HSD17B12: variants seen among roughly 807,000 people sequenced by gnomAD.
HSD17B12 encodes the protein very-long-chain 3-oxoacyl-CoA reductase.
In HSD17B12, 32 loss-of-function variants were observed where a neutral mutation model predicts 39.3. The observed-to-expected ratio is 0.81, with a 90% CI of 0.61 to 1.09. HSD17B12 has a LOEUF of 1.09. Ranked by LOEUF, HSD17B12 falls within the 50% of genes least tolerant of loss-of-function variation. The pLI, the probability that HSD17B12 is intolerant of heterozygous loss-of-function variation, is 0.00. For synonymous variants in HSD17B12, 150 were observed against 146.7 expected (o/e 1.02, Z -0.16); for missense variants, 342 against 382.9 (o/e 0.89, Z 0.89).
At chr11:43,561,265 C>T in the HSD17B12 span, among the ~76,000 whole-genome samples, 6 of 152,314 alleles carry the variant, frequency 3.9e-5, no homozygotes, top group Non-Finnish European at 8.8e-5. Context: ...TTGTTTGTCT[C>T]ACAACTGCTC....
chr11:43,682,018 G>C (rs1159425960), intron 1 of HSD17B12, among the ~76,000 whole-genome samples: 1 of 151,960 alleles, frequency 6.6e-6, no homozygotes, highest in Non-Finnish European at 1.5e-5. Flanking sequence ...TGAATTTTGG[G>C]GTGGTTAGGC....
At chr11:43,712,620 G>A (rs545096233) in intron 1 of HSD17B12, among the ~76,000 whole-genome samples, 32 of 152,132 alleles carry the variant, frequency 2.1e-4, no homozygotes, top group African/African-American at 6.5e-4. Flanking sequence ...TAAATCTTAC[G>A]TGTATTGATT....
At chr11:43,563,196 T>C in the HSD17B12 span, among the ~76,000 whole-genome samples, 1 of 152,192 alleles carries the variant, frequency 6.6e-6, no homozygotes, top group Non-Finnish European at 1.5e-5. Flanking sequence ...TGGCCCATTA[T>C]GGAAGGCCAT....
intron 1 of HSD17B12, among the ~76,000 whole-genome samples, chr11:43,687,972 G>A (rs779143402): frequency 2.2e-4 from 33 of 152,194 alleles, no homozygotes; most frequent in Non-Finnish European, 4.1e-4. Flanking sequence ...AACACTTTGG[G>A]AGGCTGAAGT....
the HSD17B12 span, among the ~76,000 whole-genome samples, chr11:43,642,811 A>G: frequency 9.9e-5 from 15 of 152,048 alleles, no homozygotes; most frequent in Middle Eastern, 3.4e-3. Flanking sequence ...CATTTGTCTT[A>G]ATTGTTTAGG....
the HSD17B12 span, among the ~76,000 whole-genome samples, chr11:43,628,105 T>C: frequency 7.2e-5 from 11 of 151,930 alleles, no homozygotes; most frequent in African/African-American, 2.4e-4. Context: ...CCCATTTTGC[T>C]GAAGAAATTT....
chr11:43,619,924 A>T, the HSD17B12 span, among the ~76,000 whole-genome samples: 2 of 152,226 alleles, frequency 1.3e-5, no homozygotes, highest in Non-Finnish European at 2.9e-5. Context: ...GTACTAGGAC[A>T]AGGCCCAGTT....
chr11:43,720,608 A>C (rs1950167660), intron 1 of HSD17B12, among the ~76,000 whole-genome samples: 1 of 152,232 alleles, frequency 6.6e-6, no homozygotes, highest in Admixed American at 6.5e-5. Context: ...AGTCAATCAA[A>C]GCAAGTCGCA....
chr11:43,626,898 C>A, the HSD17B12 span, among the ~76,000 whole-genome samples: 3 of 151,938 alleles, frequency 2.0e-5, no homozygotes, highest in Non-Finnish European at 4.4e-5. Context: ...AGTTTTAGAA[C>A]CTTCAAACTG....
the HSD17B12 span, among the ~76,000 whole-genome samples, chr11:43,572,945 C>T: frequency 6.6e-6 from 1 of 152,142 alleles, no homozygotes; most frequent in Non-Finnish European, 1.5e-5. Flanking sequence ...CAGTACATTA[C>T]CTACTGGCAT....
intron 3 of HSD17B12, among the ~76,000 whole-genome samples, chr11:43,764,923 C>G (rs1298187852): frequency 6.6e-6 from 1 of 152,108 alleles, no homozygotes; most frequent in African/African-American, 2.4e-5. Context: ...ATTGATTGAG[C>G]TAAAACCTAC....
chr11:43,558,060 A>G, the HSD17B12 span, among the ~76,000 whole-genome samples: 188 of 152,288 alleles, frequency 1.2e-3, no homozygotes, highest in Non-Finnish European at 2.4e-3. Flanking sequence ...GCACAAAGCG[A>G]GGTGGTTATC....
the HSD17B12 span, among the ~76,000 whole-genome samples, chr11:43,567,766 G>C: frequency 3.3e-5 from 5 of 152,142 alleles, no homozygotes; most frequent in Admixed American, 3.3e-4. Context: ...ATGTTTTGGG[G>C]GTGCCAAGAT....
chr11:43,559,488 G>A, the HSD17B12 span, among the ~76,000 whole-genome samples: 1 of 152,202 alleles, frequency 6.6e-6, no homozygotes. Flanking sequence ...CAGTGTACAT[G>A]CACATATATG....
chr11:43,688,322 TG>T (rs1949820959), intron 1 of HSD17B12, among the ~76,000 whole-genome samples: 1 of 152,186 alleles, frequency 6.6e-6, no homozygotes, highest in Non-Finnish European at 1.5e-5. Flanking sequence ...CATTTCTGTC[TG>T]GGGGAAAAGT....
At chr11:43,622,092 A>G in the HSD17B12 span, among the ~76,000 whole-genome samples, 1 of 152,160 alleles carries the variant, frequency 6.6e-6, no homozygotes, top group Non-Finnish European at 1.5e-5. Flanking sequence ...CCTTTTGTCC[A>G]AAAATAGGAA....
intron 3 of HSD17B12, among the ~76,000 whole-genome samples, chr11:43,783,285 G>A (rs192916703): frequency 1.7e-4 from 26 of 152,032 alleles, no homozygotes; most frequent in African/African-American, 2.7e-4. Flanking sequence ...TCTTGATTTC[G>A]ATGGTTACAT....
At chr11:43,840,829 G>A (rs1041603086) in intron 9 of HSD17B12, among the ~76,000 whole-genome samples, 2 of 152,140 alleles carry the variant, frequency 1.3e-5, no homozygotes, top group Non-Finnish European at 1.5e-5. Flanking sequence ...ATGCTAATAT[G>A]AGCATGAGTG....
chr11:43,615,415 C>T, the HSD17B12 span, among the ~76,000 whole-genome samples: 1 of 152,274 alleles, frequency 6.6e-6, no homozygotes, highest in Admixed American at 6.5e-5. Flanking sequence ...GCTAAAGATT[C>T]AAGAAGACTT....
Sources: allele counts gnomAD v4.1 joint callset (sites outside exome capture counted in the v4.1 genomes callset), GRCh38; gene constraint gnomAD v4.1.1; transcripts MANE v1.5; gene names NCBI Gene and HGNC (gene_info 2026-07-23, HGNC 2026-07-21).